The following HNRNPLL variants were observed in gnomAD, a reference collection of about 807,000 sequenced individuals.
HNRNPLL encodes the protein heterogeneous nuclear ribonucleoprotein L like.
Under a neutral mutation model 67.1 loss-of-function variants are expected in HNRNPLL, and 25 were observed. The ratio of observed to expected loss-of-function variants is 0.37; its 90% CI spans 0.27 to 0.52. The LOEUF (loss-of-function observed/expected upper bound fraction) is 0.52. HNRNPLL is among the 20% of genes least tolerant of loss of function. The probability of loss-of-function intolerance (pLI) is 0.90; values close to 1 mark genes in which losing one functional copy is unlikely to be tolerated. For synonymous variants in HNRNPLL, 267 were observed against 241.7 expected (o/e 1.10, Z -0.97); for missense variants, 542 against 673.9 (o/e 0.80, Z 2.17).
intron 12 of HNRNPLL, chr2:38,566,177 G>A: frequency 1.6e-6 from 1 of 635,140 alleles, no homozygotes. Context: ...AGACCAGCCT[G>A]GCCAACGTGG....
chr2:38,582,371 C>T (rs1010293981), intron 4 of HNRNPLL, among the ~76,000 whole-genome samples: 3 of 152,090 alleles, frequency 2.0e-5, no homozygotes, highest in South Asian at 2.1e-4. Context: ...AGTGCAGTGG[C>T]GCGACCTGGG....
chr2:38,586,618 G>C (rs762818216), intron 2 of HNRNPLL, among the ~76,000 whole-genome samples: 1 of 152,122 alleles, frequency 6.6e-6, no homozygotes, highest in Non-Finnish European at 1.5e-5. Context: ...TAACAGCTAA[G>C]AACTGACTAT....
At chr2:38,574,342 G>C (rs1307895182) in intron 7 of HNRNPLL, among the ~76,000 whole-genome samples, 1 of 151,806 alleles carries the variant, frequency 6.6e-6, no homozygotes, top group Non-Finnish European at 1.5e-5. Context: ...AACTAAGATG[G>C]AGACATGCAG....
At chr2:38,567,849 G>A (rs891279109) in intron 12 of HNRNPLL, among the ~76,000 whole-genome samples, 19 of 152,146 alleles carry the variant, frequency 1.2e-4, no homozygotes, top group African/African-American at 4.3e-4. Context: ...GCCTGGGGGT[G>A]GATCTTCTGG....
At chr2:38,585,516 A>AT in intron 3 of HNRNPLL, 128 bp downstream of exon 3, 1 of 618,996 alleles carries the variant, frequency 1.6e-6, no homozygotes. Context: ...ACTTGTTAAG[A>AT]TTAATTTTCA....
intron 8 of HNRNPLL, among the ~76,000 whole-genome samples, chr2:38,571,185 C>T (rs1476572967): frequency 6.6e-6 from 1 of 152,096 alleles, no homozygotes; most frequent in East Asian, 1.9e-4. Context: ...CCTGTACATA[C>T]ATACCTATGA....
At chr2:38,574,682 C>G (rs1446077461) in intron 7 of HNRNPLL, among the ~76,000 whole-genome samples, 2 of 151,820 alleles carry the variant, frequency 1.3e-5, no homozygotes, top group Non-Finnish European at 3.0e-5. Context: ...CAAGCACACA[C>G]AAACACGGTG....
chr2:38,587,032 G>GA (rs1666762615), intron 2 of HNRNPLL, among the ~76,000 whole-genome samples: 1 of 152,156 alleles, frequency 6.6e-6, no homozygotes, highest in Non-Finnish European at 1.5e-5. Flanking sequence ...ACAGGAACAA[G>GA]AACCTTAAAA....
At position 38,562,738 on chromosome 2, in the gene HNRNPLL, C is replaced by A. The variant is rs878991847; in HGVS notation, c.*1444G>T. 6.6e-6 allele frequency: 1 copy of A among 151,984 alleles called. No individual in the cohort carries two copies. Among genetic ancestry groups the A allele is most frequent in the Admixed American group, 6.6e-5 (1 of 15,238 alleles). 9.4% of individuals were successfully genotyped at this position (151,984 alleles called of 1,614,324 possible). The stretch of plus-strand genomic sequence containing the variant: ...AGATTAAATTTAATTTTTTCTTTAT[C>A]TTTAGAGGGCTAAATGCTGGTCCAC... On this transcript the variant is annotated 3_prime_UTR_variant, in exon 13 of 13. Transcript: ENST00000449105.
Position 38,602,807 on chromosome 2 carries a change from A to T in HNRNPLL, c.-181T>A, listed in dbSNP as rs1558552942. The T allele has an allele frequency of 6.5e-7, 1 of 1,543,990 alleles. No homozygotes were observed. Among genetic ancestry groups the T allele is most frequent in the Non-Finnish European group, 8.7e-7 (1 of 1,144,330 alleles). On this transcript the variant is annotated 5_prime_UTR_variant, in exon 1 of 13. Coordinates refer to ENST00000449105, the MANE Select transcript of HNRNPLL (RefSeq NM_138394.4). ...GCGGCTGAGAAGCGCGGACGGACTG[A>T]GGGGGGCGCCCCGGGAGGAAGCTCT...
chr2:38,576,096 C>T (rs1022355599), intron 7 of HNRNPLL, among the ~76,000 whole-genome samples: 103 of 151,682 alleles, frequency 6.8e-4, no homozygotes, highest in African/African-American at 2.1e-3. Context: ...TACTATTTTT[C>T]GGTAAAATAT....
At chr2:38,595,184 GT>G (rs1667124445) in intron 1 of HNRNPLL, among the ~76,000 whole-genome samples, 1 of 149,566 alleles carries the variant, frequency 6.7e-6, no homozygotes, top group Non-Finnish European at 1.5e-5. Flanking sequence ...GGAGGCTGAG[GT>G]GGAAGGACTG....
chr2:38,602,307 G>A (rs1256953835), intron 1 of HNRNPLL, 131 bp downstream of exon 1: 13 of 809,966 alleles, frequency 1.6e-5, no homozygotes, highest in Non-Finnish European at 1.5e-5. Flanking sequence ...CCAAAGAGAA[G>A]AGTGGGCGCT....
chr2:38,596,444 G>C (rs1454306940), intron 1 of HNRNPLL, among the ~76,000 whole-genome samples: 1 of 152,164 alleles, frequency 6.6e-6, no homozygotes, highest in Non-Finnish European at 1.5e-5. Context: ...GTTTAATAGA[G>C]ACAGGGTTTC....
rs749299118 is a variant in HNRNPLL, at chr2:38,591,515, C to T, written c.308+15G>A. 40 of 1,269,282 alleles carry T rather than the reference C, an allele frequency of 3.2e-5. No homozygotes were observed. The highest frequency in any genetic ancestry group is 2.2e-5 in the Non-Finnish European group (19 of 865,296). 78.6% of individuals were successfully genotyped at this position (1,269,282 alleles called of 1,614,324 possible). On this transcript the variant is annotated intron_variant, in intron 2 of 12. Transcript: ENST00000449105. The stretch of plus-strand genomic sequence containing the variant: ...CCACAGTTTTCAATCTACATGAAGT[C>T]CCTATCATCCTTACCATATTGTCCC...
At chr2:38,594,890 A>T (rs1483443740) in intron 1 of HNRNPLL, among the ~76,000 whole-genome samples, 1 of 151,966 alleles carries the variant, frequency 6.6e-6, no homozygotes, top group African/African-American at 2.4e-5. Context: ...GTTGCAGTGA[A>T]CTGAGATCAC....
intron 8 of HNRNPLL, among the ~76,000 whole-genome samples, chr2:38,570,438 T>C (rs1666030809): frequency 1.3e-5 from 2 of 152,204 alleles, no homozygotes; most frequent in South Asian, 2.1e-4. Flanking sequence ...TGTAGAATTC[T>C]GTTAATGCAG....
intron 9 of HNRNPLL, among the ~76,000 whole-genome samples, chr2:38,569,595 T>A (rs1156361584): frequency 1.3e-5 from 2 of 152,146 alleles, no homozygotes; most frequent in Non-Finnish European, 2.9e-5. Flanking sequence ...ACACGTTTTA[T>A]CATCATAAAA....
At chr2:38,598,981 C>CA (rs1307589553) in intron 1 of HNRNPLL, among the ~76,000 whole-genome samples, 1 of 152,212 alleles carries the variant, frequency 6.6e-6, no homozygotes, top group African/African-American at 2.4e-5. Flanking sequence ...AGTTACTACA[C>CA]AGTCTTCTAA....
Sources: allele counts gnomAD v4.1 joint callset (sites outside exome capture counted in the v4.1 genomes callset), GRCh38; gene constraint gnomAD v4.1.1; transcripts MANE v1.5; gene names NCBI Gene and HGNC (gene_info 2026-07-23, HGNC 2026-07-21).